The following HSD3B2 variants were observed in gnomAD, a reference collection of about 807,000 sequenced individuals.
The protein encoded by HSD3B2 is 3 beta-hydroxysteroid dehydrogenase/Delta 5-->4-isomerase type 2.
HSD3B2 carries 8 observed loss-of-function variants against 9.9 expected under a neutral mutation model. That is an observed-to-expected ratio of 0.81 (90% CI 0.47 to 1.46). HSD3B2 has a LOEUF of 1.46. HSD3B2 is among the 40% of genes most tolerant of loss of function. HSD3B2 has a pLI of 0.00. For missense variants in HSD3B2, 410 were observed against 448.3 expected (o/e 0.91, Z 0.77); for synonymous variants, 221 against 184.5 (o/e 1.20, Z -1.60).
At chr1:119,418,054 A>T (rs56326451) in intron 2 of HSD3B2, among the ~76,000 whole-genome samples, 28,933 of 152,062 alleles carry the variant, frequency 0.19, 3,570 homozygotes, top group African/African-American at 0.34. Context: ...TCTGAGCTCC[A>T]TGTAGCATGG....
chr1:119,419,498 G>A lies in HSD3B2; in HGVS notation c.223G>A (p.Val75Ile), dbSNP rs765748123. The A allele has an allele frequency of 3.9e-5, 63 of 1,613,572 alleles. No individual in the cohort carries two copies. The highest frequency in any genetic ancestry group is 2.7e-4 in the African/African-American group (20 of 74,874). Residue 75 changes from valine (V) to isoleucine (I), a missense_variant, in exon 3 of 4, where the codon GTC (valine) becomes ATC (isoleucine). By Grantham distance (29) the Val-to-Ile change is conservative (BLOSUM62 3). Coordinates refer to ENST00000369416, the MANE Select transcript of HSD3B2 (RefSeq NM_000198.4). Reference protein sequence around the residue: ...EPFLKRACQDVSVVIHTACII... With the variant: ...EPFLKRACQDISVVIHTACII... ...ATTCCTGAAAAGAGCCTGCCAGGACGTCTCGGTCGTCATCCACACCGCCTG... is the reference window on the plus strand; with the variant it reads ...ATTCCTGAAAAGAGCCTGCCAGGACATCTCGGTCGTCATCCACACCGCCTG...
Position 119,422,385 on chromosome 1 carries a change from TC to T in HSD3B2, c.886del (p.Leu296CysfsTer4). The T allele has an allele frequency of 6.2e-7, 1 of 1,614,146 alleles. No homozygotes were observed. Among genetic ancestry groups the T allele is most frequent in the Non-Finnish European group, 8.5e-7 (1 of 1,180,000 alleles). On this transcript the variant is annotated frameshift_variant, in exon 4 of 4. Coordinates refer to ENST00000369416, the MANE Select transcript of HSD3B2 (RefSeq NM_000198.4). LOFTEE classifies it low-confidence loss of function (END_TRUNC). ...LPLTLMYWIG[F>X]LLEVVSFLLS... Reference sequence around the variant, plus strand: ...TTAACCCTGATGTACTGGATTGGCTTCCTGCTGGAAGTAGTGAGCTTCCTAC... The same window carrying T: ...TTAACCCTGATGTACTGGATTGGCTTCTGCTGGAAGTAGTGAGCTTCCTAC...
intron 2 of HSD3B2, among the ~76,000 whole-genome samples, chr1:119,418,053 C>A (rs1183010432): frequency 6.6e-6 from 1 of 152,112 alleles, no homozygotes; most frequent in Non-Finnish European, 1.5e-5. Context: ...ATCTGAGCTC[C>A]ATGTAGCATG....
chr1:119,421,247 T>G (rs1651847728), intron 3 of HSD3B2, among the ~76,000 whole-genome samples: 1 of 151,586 alleles, frequency 6.6e-6, no homozygotes, highest in Non-Finnish European at 1.5e-5. Context: ...GAGTATAGCC[T>G]CCTGATTTTT....
At chr1:119,420,930 A>T (rs2101346187) in intron 3 of HSD3B2, among the ~76,000 whole-genome samples, 1 of 152,200 alleles carries the variant, frequency 6.6e-6, no homozygotes, top group Non-Finnish European at 1.5e-5. Context: ...TATCACCCCC[A>T]CTTTATATAA....
At chr1:119,415,109 C>T (rs916145570), upstream of HSD3B2, 1 of 393,028 alleles carries the variant, frequency 2.5e-6, no homozygotes, top group Non-Finnish European at 4.8e-6. Context: ...GGCTGAGACA[C>T]AAGCCACAGA....
intron 3 of HSD3B2, among the ~76,000 whole-genome samples, chr1:119,421,468 T>C (rs1430369396): frequency 6.4e-4 from 3 of 4,664 alleles, no homozygotes; most frequent in Admixed American, 5.1e-3. Context: ...TATATATGTA[T>C]ATATATATGT....
intron 2 of HSD3B2, among the ~76,000 whole-genome samples, chr1:119,419,125 T>A (rs1350294408): frequency 1.3e-5 from 2 of 152,184 alleles, no homozygotes; most frequent in Non-Finnish European, 2.9e-5. Context: ...TTGGTGAGTC[T>A]CCCATGACTC....
At chr1:119,419,952 C>T (rs587603107) in intron 3 of HSD3B2, 122 of 324,842 alleles carry the variant, frequency 3.8e-4, no homozygotes, top group Middle Eastern at 3.3e-3. Flanking sequence ...CTTGGCTCCC[C>T]GGGCCAGAAT....
At chr1:119,421,455 A>ATG (rs1428920881) in intron 3 of HSD3B2, among the ~76,000 whole-genome samples, 1 of 27,642 alleles carries the variant, frequency 3.6e-5, no homozygotes, top group African/African-American at 7.4e-5. Flanking sequence ...ATATATATGT[A>ATG]TATATATATG....
chr1:119,418,999 T>G (rs2101342806), intron 2 of HSD3B2, among the ~76,000 whole-genome samples: 1 of 152,284 alleles, frequency 6.6e-6, no homozygotes, highest in South Asian at 2.1e-4. Flanking sequence ...TTTGACATGG[T>G]GCTGGAGACC....
At chr1:119,418,605 G>T (rs187276125) in intron 2 of HSD3B2, among the ~76,000 whole-genome samples, 1 of 147,994 alleles carries the variant, frequency 6.8e-6, no homozygotes. Context: ...ACAACTCTGC[G>T]TCTGTTTATC....
rs756607591 is a variant in HSD3B2, at chr1:119,415,454, G to A, written c.35G>A (p.Gly12Glu). The A allele has an allele frequency of 2.0e-5, 33 of 1,613,900 alleles. No homozygotes were observed. Among genetic ancestry groups the A allele is most frequent in the Admixed American group, 1.7e-5 (1 of 59,986 alleles). ...AGCTGCCTTGTGACAGGAGCAGGAG[G>A]GCTTCTGGGTCAGAGGATCGTCCGC... The part of the protein sequence containing the change: ...GWSCLVTGAG[G>E]LLGQRIVRLL... Residue 12 changes from glycine to glutamate, a missense_variant, in exon 2 of 4, where the codon GGG becomes GAG. Transcript: ENST00000369416.
Position 119,415,356 on chromosome 1 carries a change from A to G in HSD3B2, c.-64A>G. ...CCCTCTTCTGGGTCACGCTAGAATC[A>G]GATCTGCTCTCCAGCATCTTCTGTT... On this transcript the variant is annotated 5_prime_UTR_variant, in exon 2 of 4. Transcript: ENST00000369416. 1 of 1,569,958 alleles carries G rather than the reference A, an allele frequency of 6.4e-7. No homozygotes were observed. Among genetic ancestry groups the G allele is most frequent in the South Asian group, 1.1e-5 (1 of 90,152 alleles).
intron 2 of HSD3B2, among the ~76,000 whole-genome samples, chr1:119,418,096 A>G (rs890143515): frequency 6.6e-6 from 1 of 152,198 alleles, no homozygotes; most frequent in African/African-American, 2.4e-5. Flanking sequence ...CCAGGTGACA[A>G]CTTTACCGGC....
At chr1:119,418,153 T>C (rs1452419856) in intron 2 of HSD3B2, among the ~76,000 whole-genome samples, 1 of 152,228 alleles carries the variant, frequency 6.6e-6, no homozygotes, top group East Asian at 1.9e-4. Flanking sequence ...ATATGGATGT[T>C]ACATCCGCTG....
intron 3 of HSD3B2, among the ~76,000 whole-genome samples, chr1:119,420,824 T>A (rs1651836670): frequency 6.6e-6 from 1 of 152,182 alleles, no homozygotes; most frequent in South Asian, 2.1e-4. Flanking sequence ...CTGACAGGTC[T>A]TCCCAGTGCA....
chr1:119,417,802 G>T (rs752718928), intron 2 of HSD3B2, among the ~76,000 whole-genome samples: 2 of 152,290 alleles, frequency 1.3e-5, no homozygotes, highest in African/African-American at 2.4e-5. Context: ...CAGAAAAGTT[G>T]ATTCTAAACA....
chr1:119,415,612 G>C (rs1476892495), intron 2 of HSD3B2, 51 bp downstream of exon 2: 1 of 1,594,498 alleles, frequency 6.3e-7, no homozygotes. Context: ...ACTCTGCATG[G>C]GTGTGGGGAG....
Sources: allele counts gnomAD v4.1 joint callset (sites outside exome capture counted in the v4.1 genomes callset), GRCh38; gene constraint gnomAD v4.1.1; transcripts MANE v1.5; gene names NCBI Gene and HGNC (gene_info 2026-07-23, HGNC 2026-07-21).